The following KIF16B variants were observed in gnomAD, a reference collection of about 807,000 sequenced individuals.
KIF16B encodes kinesin-like protein KIF16B.
In KIF16B, 98 loss-of-function variants were observed where a neutral mutation model predicts 156.3. The observed-to-expected ratio is 0.63, with a 90% CI of 0.53 to 0.74. The LOEUF is 0.74. Ranked by LOEUF, KIF16B falls within the 30% of genes least tolerant of loss-of-function variation. The pLI is 0.00. For missense variants in KIF16B, 1,421 were observed against 1,606.5 expected (o/e 0.88, Z 1.97); for synonymous variants, 564 against 583.7 (o/e 0.97, Z 0.49).
chr20:16,486,383 C>T lies in KIF16B; in HGVS notation c.1302+7908G>A, dbSNP rs187798987. ...TCATAGTAATGCTAGGAATTTCCTT[C>T]TGAACATAGGTAGCAATCCTAGTTA... On this transcript the variant is annotated intron_variant, in intron 12 of 25. Transcript: ENST00000354981. Among the ~76,000 whole-genome samples the T allele has an allele frequency of 1.1e-3, 171 of 152,294 alleles. 1 individual carries two copies. The highest frequency in any genetic ancestry group is 4.4e-3 in the South Asian group (21 of 4,826).
chr20:16,431,508 T>G (rs1320583762), intron 12 of KIF16B, among the ~76,000 whole-genome samples: 2 of 152,166 alleles, frequency 1.3e-5, no homozygotes, highest in African/African-American at 4.8e-5. Flanking sequence ...CTACTGCTTT[T>G]GTGGTTGCTG....
chr20:16,375,507 C>A (rs2123363061), intron 19 of KIF16B, among the ~76,000 whole-genome samples: 1 of 152,114 alleles, frequency 6.6e-6, no homozygotes, highest in South Asian at 2.1e-4. Flanking sequence ...GAGGCTGTGC[C>A]CAGTTTAACT....
At chr20:16,386,901 C>T (rs1028412731) in intron 17 of KIF16B, among the ~76,000 whole-genome samples, 1 of 152,148 alleles carries the variant, frequency 6.6e-6, no homozygotes, top group African/African-American at 2.4e-5. Flanking sequence ...AGGGTACTCA[C>T]AACCACTGTT....
intron 22 of KIF16B, among the ~76,000 whole-genome samples, chr20:16,363,309 T>C (rs1036928320): frequency 6.6e-6 from 1 of 152,102 alleles, no homozygotes; most frequent in Non-Finnish European, 1.5e-5. Context: ...TAGAAGGCAA[T>C]CAGCCCATCC....
intron 1 of KIF16B, among the ~76,000 whole-genome samples, chr20:16,565,952 G>A (rs201982700): frequency 1.3e-5 from 2 of 152,374 alleles, no homozygotes; most frequent in South Asian, 2.1e-4. Flanking sequence ...GGATATAGAA[G>A]TGTGTACATG....
At chr20:16,561,709 C>T (rs1388452524) in intron 1 of KIF16B, among the ~76,000 whole-genome samples, 2 of 152,182 alleles carry the variant, frequency 1.3e-5, no homozygotes, top group African/African-American at 4.8e-5. Context: ...ATATTGACAT[C>T]ACATACCCCA....
chr20:16,364,001 T>C (rs76416992), intron 22 of KIF16B, among the ~76,000 whole-genome samples: 2,146 of 152,204 alleles, frequency 0.014, 51 homozygotes, highest in African/African-American at 0.048. Context: ...ATAAGCCGGG[T>C]TGATCATCAA....
At chr20:16,451,336 A>G (rs573888733) in intron 12 of KIF16B, among the ~76,000 whole-genome samples, 1 of 152,276 alleles carries the variant, frequency 6.6e-6, no homozygotes, top group African/African-American at 2.4e-5. Flanking sequence ...GACAGAAAAA[A>G]AAATGGAGCT....
intron 13 of KIF16B, among the ~76,000 whole-genome samples, chr20:16,429,366 C>T (rs1352657213): frequency 6.6e-6 from 1 of 152,158 alleles, no homozygotes; most frequent in African/African-American, 2.4e-5. Context: ...GTAGCATTCT[C>T]ATTGTTAAGT....
chr20:16,297,999 A>T (rs1296894037), intron 25 of KIF16B, among the ~76,000 whole-genome samples: 1 of 152,110 alleles, frequency 6.6e-6, no homozygotes, highest in Non-Finnish European at 1.5e-5. Context: ...TGCTGACAAC[A>T]TTCCATTGGC....
intron 1 of KIF16B, among the ~76,000 whole-genome samples, chr20:16,535,061 C>A (rs1265422241): frequency 1.3e-5 from 2 of 151,856 alleles, no homozygotes; most frequent in African/African-American, 4.8e-5. Context: ...ATAGGGATTG[C>A]ACTGAAATTG....
At chr20:16,402,579 A>G (rs2065682368) in intron 17 of KIF16B, among the ~76,000 whole-genome samples, 1 of 152,240 alleles carries the variant, frequency 6.6e-6, no homozygotes. Context: ...TGTCTGTACT[A>G]TGCCCTGGAG....
At chr20:16,427,360 G>T in intron 14 of KIF16B, 119 bp from the exon 15 acceptor site, 2 of 945,104 alleles carry the variant, frequency 2.1e-6, no homozygotes, top group Non-Finnish European at 3.1e-6. Flanking sequence ...TTCCACATAA[G>T]TATCATGAAG....
At chr20:16,416,426 A>G (rs2066088460) in intron 15 of KIF16B, among the ~76,000 whole-genome samples, 1 of 152,122 alleles carries the variant, frequency 6.6e-6, no homozygotes, top group South Asian at 2.1e-4. Flanking sequence ...TTTTCTGCAT[A>G]TGGCTAGCCA....
intron 12 of KIF16B, among the ~76,000 whole-genome samples, chr20:16,459,359 C>CA (rs2067288098): frequency 6.6e-6 from 1 of 152,184 alleles, no homozygotes. Context: ...TTGTTCTCCA[C>CA]AAAAGAATTT....
chr20:16,442,334 A>ATGTATGTGTG (rs1555773706), intron 12 of KIF16B, among the ~76,000 whole-genome samples: 12 of 145,180 alleles, frequency 8.3e-5, no homozygotes, highest in African/African-American at 3.1e-4. Flanking sequence ...CCATTTCACA[A>ATGTATGTGTG]TGTGTGTGTG....
intron 25 of KIF16B, among the ~76,000 whole-genome samples, chr20:16,308,913 CAA>C (rs1183177907): frequency 4.6e-5 from 7 of 152,228 alleles, no homozygotes; most frequent in African/African-American, 1.7e-4. Flanking sequence ...CTCTATCTGC[CAA>C]CACATGTCTC....
chr20:16,402,834 C>T (rs943495903), intron 17 of KIF16B, among the ~76,000 whole-genome samples: 3 of 152,156 alleles, frequency 2.0e-5, no homozygotes, highest in Non-Finnish European at 4.4e-5. Flanking sequence ...AGGATGAAAA[C>T]TAGTAACTTT....
At chr20:16,322,998 C>T (rs972261034) in intron 24 of KIF16B, among the ~76,000 whole-genome samples, 6 of 151,958 alleles carry the variant, frequency 3.9e-5, no homozygotes, top group Admixed American at 6.6e-5. Flanking sequence ...AAAGCCTTGC[C>T]TATCTTTTAT....
Sources: gnomAD v4.1 joint callset for allele counts (sites outside exome capture counted in the v4.1 genomes callset) on GRCh38, gnomAD v4.1.1 for gene constraint, MANE v1.5 for transcripts, NCBI Gene and HGNC (gene_info 2026-07-23, HGNC 2026-07-21) for gene names.